MKLN1: variants seen among roughly 807,000 people sequenced by gnomAD.
MKLN1 encodes the protein muskelin 1.
A neutral mutation model predicts 99.0 loss-of-function variants in MKLN1; 18 were observed. The observed-to-expected ratio is 0.18, with a 90% CI of 0.13 to 0.27. MKLN1 has a LOEUF of 0.27. Ranked by LOEUF, MKLN1 falls within the 10% of genes least tolerant of loss-of-function variation. MKLN1 has a pLI of 1.00. For synonymous variants in MKLN1, 288 were observed against 293.2 expected (o/e 0.98, Z 0.18); for missense variants, 621 against 875.9 (o/e 0.71, Z 3.67).
At chr7:131,416,345 A>G (rs1453687735) in intron 8 of MKLN1, among the ~76,000 whole-genome samples, 1 of 152,198 alleles carries the variant, frequency 6.6e-6, no homozygotes. Flanking sequence ...AGAAAGACAA[A>G]AAAATTTTCC....
At chr7:131,315,832 G>C (rs573651042) in intron 3 of MKLN1, among the ~76,000 whole-genome samples, 25 of 152,352 alleles carry the variant, frequency 1.6e-4, no homozygotes, top group Admixed American at 1.3e-3. Flanking sequence ...GCTGTGGCCA[G>C]ACTGCTTCTC....
chr7:131,294,479 A>G (rs749165244), intron 3 of MKLN1, among the ~76,000 whole-genome samples: 2 of 152,228 alleles, frequency 1.3e-5, no homozygotes, highest in Non-Finnish European at 2.9e-5. Flanking sequence ...AAAATAAAAA[A>G]TTGGGGAAAG....
chr7:131,305,398 A>T (rs570989768), intron 3 of MKLN1, among the ~76,000 whole-genome samples: 3 of 152,346 alleles, frequency 2.0e-5, no homozygotes, highest in South Asian at 4.1e-4. Context: ...CTTAGTTCCC[A>T]TATAGCAACT....
Position 131,487,113 on chromosome 7 carries a change from A to AT in MKLN1, c.2087-490dup, listed in dbSNP as rs1186947071. ...TCCAGCTGTCTCAGAGACATTAATG[A>AT]TTTTAGACTAATTTCTAAAGACCTC... On this transcript the variant is annotated intron_variant, in intron 17 of 17. Coordinates refer to ENST00000352689, the MANE Select transcript of MKLN1 (RefSeq NM_013255.5). The surrounding 1 kb of genome is among the most constrained non-coding windows in gnomAD (Gnocchi z 4.7). 6.6e-6 allele frequency among the ~76,000 whole-genome samples: 1 copy of AT among 152,138 alleles called. No homozygotes were observed. The highest frequency in any genetic ancestry group is 1.5e-5 in the Non-Finnish European group (1 of 67,996).
chr7:131,240,378 G>A (rs1278349534), intron 3 of MKLN1, among the ~76,000 whole-genome samples: 1 of 151,836 alleles, frequency 6.6e-6, no homozygotes, highest in Admixed American at 6.6e-5. Context: ...ATAATTAAAA[G>A]GCAAATACTC....
chr7:131,127,149 G>A (rs1795474047), intron 1 of MKLN1, among the ~76,000 whole-genome samples: 4 of 130,122 alleles, frequency 3.1e-5, no homozygotes, highest in Admixed American at 2.6e-4. Context: ...TGGGTGACAA[G>A]AGCAAAACTC....
intron 1 of MKLN1, among the ~76,000 whole-genome samples, chr7:131,123,050 G>A (rs1329595055): frequency 1.7e-3 from 83 of 50,052 alleles, no homozygotes; most frequent in East Asian, 3.6e-3. Flanking sequence ...AAAAAAAAAA[G>A]TGTTGCTGCT....
Position 131,487,199 on chromosome 7 carries a change from T to C in MKLN1, c.2087-408T>C, listed in dbSNP as rs1439793806. 6.6e-6 allele frequency among the ~76,000 whole-genome samples: 1 copy of C among 152,116 alleles called. No homozygotes were observed. Among genetic ancestry groups the C allele is most frequent in the Non-Finnish European group, 1.5e-5 (1 of 68,004 alleles). ...AAACTTTTTTAGTGGTTCAGAAGCA[T>C]TAACAAGTCAGAAAAGACAAGTGGA... On this transcript the variant is annotated intron_variant, in intron 17 of 17. Coordinates refer to ENST00000352689, the MANE Select transcript of MKLN1 (RefSeq NM_013255.5). This position sits in a 1 kb window ranked among gnomAD's most constrained non-coding sequence, Gnocchi z 4.7.
chr7:131,152,661 G>A (rs1187191057), intron 2 of MKLN1, among the ~76,000 whole-genome samples: 3 of 151,382 alleles, frequency 2.0e-5, no homozygotes, highest in East Asian at 1.9e-4. Context: ...CACCATGCTC[G>A]GCTAATTTTT....
intron 12 of MKLN1, among the ~76,000 whole-genome samples, chr7:131,460,828 CA>C (rs1563360320): frequency 6.6e-6 from 1 of 152,128 alleles, no homozygotes. Flanking sequence ...ACTATTAAGA[CA>C]AAATAGAATA....
At chr7:131,275,461 CG>C (rs1467545823) in intron 3 of MKLN1, among the ~76,000 whole-genome samples, 1 of 131,952 alleles carries the variant, frequency 7.6e-6, no homozygotes, top group Non-Finnish European at 1.6e-5. Flanking sequence ...CTCCACCTTC[CG>C]GGTTCAGGTG....
At chr7:131,269,093 TCTGGC>T (rs1378868869) in intron 3 of MKLN1, among the ~76,000 whole-genome samples, 3 of 152,234 alleles carry the variant, frequency 2.0e-5, no homozygotes, top group African/African-American at 7.2e-5. Flanking sequence ...CATTACAAAA[TCTGGC>T]AAGTCATCTG....
At chr7:131,155,370 A>T (rs1037748078) in intron 2 of MKLN1, among the ~76,000 whole-genome samples, 6 of 152,182 alleles carry the variant, frequency 3.9e-5, no homozygotes, top group African/African-American at 1.4e-4. Flanking sequence ...GTCAAACTTA[A>T]TGTATTCCTT....
At chr7:131,294,140 G>C (rs1001165925) in intron 3 of MKLN1, among the ~76,000 whole-genome samples, 1 of 152,184 alleles carries the variant, frequency 6.6e-6, no homozygotes, top group Non-Finnish European at 1.5e-5. Context: ...CAAAGGCTAT[G>C]TAAAAGACAT....
At position 131,411,179 on chromosome 7, in the gene MKLN1, T is replaced by C. The variant is rs575423839; in HGVS notation, c.704-127T>C. 6.2e-4 allele frequency: 340 copies of C among 552,304 alleles called. 1 individual carries two copies. The highest frequency in any genetic ancestry group is 9.2e-4 in the Non-Finnish European group (283 of 308,994). 34.2% of individuals were successfully genotyped at this position (552,304 alleles called of 1,614,324 possible). On this transcript the variant is annotated intron_variant, in intron 6 of 17. Coordinates refer to ENST00000352689, the MANE Select transcript of MKLN1 (RefSeq NM_013255.5). ...TGAAGTGATGCATATTTTATGAAAA[T>C]GTGCTTTTGTATTAGTGACATATTA...
At chr7:131,308,399 T>C (rs1467071277) in intron 3 of MKLN1, among the ~76,000 whole-genome samples, 2 of 151,774 alleles carry the variant, frequency 1.3e-5, no homozygotes, top group Admixed American at 1.3e-4. Context: ...GTGGCTGGGA[T>C]TACAGGCATG....
intron 2 of MKLN1, among the ~76,000 whole-genome samples, chr7:131,165,649 A>G (rs557067809): frequency 2.7e-4 from 41 of 152,342 alleles, no homozygotes; most frequent in Non-Finnish European, 3.5e-4. Context: ...ATTAAGATCA[A>G]ATTGTGGTAG....
At chr7:131,253,446 GC>G (rs1797612134) in intron 3 of MKLN1, among the ~76,000 whole-genome samples, 1 of 152,094 alleles carries the variant, frequency 6.6e-6, no homozygotes, top group Non-Finnish European at 1.5e-5. Context: ...CCTCCAACAA[GC>G]CCCTACCTAT....
chr7:131,485,919 CTG>C (rs1398550366), intron 17 of MKLN1, among the ~76,000 whole-genome samples: 2 of 151,926 alleles, frequency 1.3e-5, no homozygotes, highest in Non-Finnish European at 1.5e-5. Context: ...TGAAAAATAA[CTG>C]GTATTATTGG....
Sources: allele counts gnomAD v4.1 joint callset (sites outside exome capture counted in the v4.1 genomes callset), GRCh38; gene constraint gnomAD v4.1.1; non-coding constraint Gnocchi (gnomAD v3.1); transcripts MANE v1.5; gene names NCBI Gene and HGNC (gene_info 2026-07-23, HGNC 2026-07-21).